ATP8B2: variants seen among roughly 807,000 people sequenced by gnomAD.
The protein encoded by ATP8B2 is ATPase phospholipid transporting 8B2.
A neutral mutation model predicts 133.4 loss-of-function variants in ATP8B2; 70 were observed. That is an observed-to-expected ratio of 0.52 (90% CI 0.43 to 0.64). ATP8B2 has a LOEUF of 0.64. Ranked by LOEUF, ATP8B2 falls within the 30% of genes least tolerant of loss-of-function variation. ATP8B2 has a pLI of 0.00. For missense variants in ATP8B2, 1,101 were observed against 1,535.7 expected, an observed-to-expected ratio of 0.72 and a Z score of 4.73; for synonymous variants, 517 against 589.5, an observed-to-expected ratio of 0.88 and a Z score of 1.78.
In ATP8B2 at chr1:154,331,250, C is replaced by A; in HGVS notation, c.303+104C>A. On this transcript the variant is annotated intron_variant, in intron 5 of 27. Coordinates refer to ENST00000368489, the MANE Select transcript of ATP8B2 (RefSeq NM_001370597.1). The surrounding 1 kb of genome is among the most constrained non-coding windows in gnomAD (Gnocchi z 4.8). ...TCATCCAGCACAATTTCTTGGTGACCTTGACATCCCTTACCCGGTCCAGCT... is the reference window on the plus strand; with the variant it reads ...TCATCCAGCACAATTTCTTGGTGACATTGACATCCCTTACCCGGTCCAGCT... 1.7e-6 allele frequency: 2 copies of A among 1,198,748 alleles called. No homozygotes were observed. The highest frequency in any genetic ancestry group is 2.0e-5 in the Admixed American group (1 of 49,514). 74.3% of individuals were successfully genotyped at this position (1,198,748 alleles called of 1,614,324 possible). A position where few individuals can be genotyped will look rare whatever the true frequency, so the allele number is the denominator to read the frequency against.
At chr1:154,333,565 C>T (rs544013048) in intron 9 of ATP8B2, among the ~76,000 whole-genome samples, 4 of 150,416 alleles carry the variant, frequency 2.7e-5, no homozygotes, top group Non-Finnish European at 4.4e-5. Context: ...GAAGTAGCCA[C>T]ATTAATTGAC....
At chr1:154,329,079 A>G in intron 2 of ATP8B2, 1 of 1,298,026 alleles carries the variant, frequency 7.7e-7, no homozygotes, top group Non-Finnish European at 1.0e-6. Context: ...GGGACAGGTA[A>G]CGGGAGGCAG....
At position 154,346,775 on chromosome 1, in the gene ATP8B2, T is replaced by G. The variant is rs1390713815; in HGVS notation, c.3163+17T>G. The stretch of plus-strand genomic sequence containing the variant: ...GGTTTGTGGGTAAGTCCCCGTGGCC[T>G]CCTTGAATCGGTGAGGAATCACAGC... On this transcript the variant is annotated intron_variant, in intron 26 of 27. Transcript: ENST00000368489. This position sits in a 1 kb window ranked among gnomAD's most constrained non-coding sequence, Gnocchi z 4.5. 8 of 1,613,270 alleles carry G rather than the reference T, an allele frequency of 5.0e-6. No individual in the cohort carries two copies. Among genetic ancestry groups the G allele is most frequent in the Non-Finnish European group, 6.8e-6 (8 of 1,179,386 alleles).
rs376368781 is a variant in ATP8B2, at chr1:154,331,017, T to C, written c.205-31T>C. On this transcript the variant is annotated intron_variant, in intron 4 of 27. Transcript: ENST00000368489. This position sits in a 1 kb window ranked among gnomAD's most constrained non-coding sequence, Gnocchi z 4.8. Reference sequence around the variant, plus strand: ...GGGAATGAAGGCATCAGATGGGGCCTCAGAGGCATACTTCTCTTTCTTTTT... The same window carrying C: ...GGGAATGAAGGCATCAGATGGGGCCCCAGAGGCATACTTCTCTTTCTTTTT... The C allele has an allele frequency of 2.9e-5, 46 of 1,606,894 alleles. No homozygotes were observed. In the African/African-American group the frequency reaches 5.7e-4, roughly 20 times the overall value.
chr1:154,328,023 AG>A lies in ATP8B2; in HGVS notation c.-37-79del. 6.6e-7 allele frequency: 1 copy of A among 1,524,014 alleles called. No individual in the cohort carries two copies. The highest frequency in any genetic ancestry group is 9.1e-7 in the Non-Finnish European group (1 of 1,098,158). The allele number at this position is 1,524,014 out of a possible 1,614,324, so 94.4% of individuals were successfully genotyped here. ...AGGGGCAGGGTCAGAGCTGGAGAAGAGGGTCTTCAAAAGAGGTCTCATGAGG... is the reference window on the plus strand; with the variant it reads ...AGGGGCAGGGTCAGAGCTGGAGAAGAGGTCTTCAAAAGAGGTCTCATGAGG... On this transcript the variant is annotated intron_variant, in intron 1 of 27. Transcript: ENST00000368489. The surrounding 1 kb of genome is among the most constrained non-coding windows in gnomAD (Gnocchi z 4.6).
intron 13 of ATP8B2, among the ~76,000 whole-genome samples, chr1:154,342,216 G>A (rs1004185632): frequency 1.2e-4 from 19 of 152,056 alleles, no homozygotes; most frequent in Admixed American, 5.2e-4. Flanking sequence ...GGGGGGTGCC[G>A]CCTAGGGTAG....
At position 154,345,680 on chromosome 1, in the gene ATP8B2, G is replaced by A; in HGVS notation, c.2695-120G>A. ...CTCTTAAAAAATGCTTATTAAAGGA[G>A]GAGAGAAGGAGCCTCAGAAAATTTC... On this transcript the variant is annotated intron_variant, in intron 23 of 27. Coordinates refer to ENST00000368489, the MANE Select transcript of ATP8B2 (RefSeq NM_001370597.1). This position sits in a 1 kb window ranked among gnomAD's most constrained non-coding sequence, Gnocchi z 5.6. 7.6e-7 allele frequency: 1 copy of A among 1,307,646 alleles called. No homozygotes were observed. The highest frequency in any genetic ancestry group is 1.1e-6 in the Non-Finnish European group (1 of 918,766). 81.0% of individuals were successfully genotyped at this position (1,307,646 alleles called of 1,614,324 possible).
chr1:154,337,509 C>T lies in ATP8B2; in HGVS notation c.999C>T (p.Ile333=), dbSNP rs1686229013. The part of the protein sequence containing the change: ...GFLSFWSYII[I]LNTVVPISLY... ...TCTCCTTCTGGTCCTACATCATCAT[C>T]CTCAACACCGTTGTGCCCATTTCAC... is the stretch of plus-strand genomic sequence containing the variant. Residue 333 remains isoleucine (I), a synonymous_variant, in exon 12 of 28, where the codon ATC becomes ATT. Coordinates refer to ENST00000368489, the MANE Select transcript of ATP8B2 (RefSeq NM_001370597.1). 2 of 1,614,084 alleles carry T rather than the reference C, an allele frequency of 1.2e-6. No individual in the cohort carries two copies. The highest frequency in any genetic ancestry group is 1.7e-5 in the Admixed American group (1 of 60,002).
At chr1:154,336,576 C>G (rs979326361) in intron 11 of ATP8B2, among the ~76,000 whole-genome samples, 7 of 150,998 alleles carry the variant, frequency 4.6e-5, no homozygotes, top group African/African-American at 1.7e-4. Context: ...CAACCTCTGC[C>G]TCTCGGGTTC....
At chr1:154,335,568 TGTGGTCCCA>T (rs1325080025) in intron 11 of ATP8B2, among the ~76,000 whole-genome samples, 2 of 152,106 alleles carry the variant, frequency 1.3e-5, no homozygotes, top group Non-Finnish European at 2.9e-5. Flanking sequence ...GGCATGCACC[TGTGGTCCCA>T]GTTACTCTGG....
In ATP8B2 at chr1:154,345,210, C is replaced by A. The variant is rs1264727939; in HGVS notation, c.2470+56C>A. The A allele has an allele frequency of 6.2e-7, 1 of 1,600,656 alleles. No homozygotes were observed. Among genetic ancestry groups the A allele is most frequent in the Non-Finnish European group, 8.5e-7 (1 of 1,171,314 alleles). On this transcript the variant is annotated intron_variant, in intron 22 of 27. Coordinates refer to ENST00000368489, the MANE Select transcript of ATP8B2 (RefSeq NM_001370597.1). This position sits in a 1 kb window ranked among gnomAD's most constrained non-coding sequence, Gnocchi z 5.6. Reference sequence around the variant, plus strand: ...GGGCTTGAGGCTGGGGAGGGGCCCACTGAGGTCTCTGGACTGCAGAAGAAT... The same window carrying A: ...GGGCTTGAGGCTGGGGAGGGGCCCAATGAGGTCTCTGGACTGCAGAAGAAT...
chr1:154,336,452 A>AG (rs1686183451), intron 11 of ATP8B2, among the ~76,000 whole-genome samples: 1 of 4,854 alleles, frequency 2.1e-4, no homozygotes, highest in Non-Finnish European at 1.3e-3. Context: ...ATAAGCTTAG[A>AG]AAAAAAAAAT....
chr1:154,346,868 G>A lies in ATP8B2; in HGVS notation c.3163+110G>A, dbSNP rs1686601991. ...ACATTTCTTATGTGCCAAGTATTCT[G>A]TTTATTTTATTTATTTATTTATTTA... On this transcript the variant is annotated intron_variant, in intron 26 of 27. Coordinates refer to ENST00000368489, the MANE Select transcript of ATP8B2 (RefSeq NM_001370597.1). This position sits in a 1 kb window ranked among gnomAD's most constrained non-coding sequence, Gnocchi z 4.5. The A allele has an allele frequency of 3.6e-6, 4 of 1,121,498 alleles. No homozygotes were observed. Among genetic ancestry groups the A allele is most frequent in the Admixed American group, 2.8e-5 (1 of 35,358 alleles). 69.5% of individuals were successfully genotyped at this position (1,121,498 alleles called of 1,614,324 possible). A position where few individuals can be genotyped will look rare whatever the true frequency, so the allele number is the denominator to read the frequency against.
At chr1:154,330,793 A>G (rs757181484) in intron 3 of ATP8B2, 22 bp from the exon 4 acceptor site, 1 of 1,595,976 alleles carries the variant, frequency 6.3e-7, no homozygotes, top group Non-Finnish European at 8.6e-7. Context: ...ACTGCTCATT[A>G]TCTTCTCTCC....
chr1:154,329,217 C>A, intron 2 of ATP8B2: 1 of 791,212 alleles, frequency 1.3e-6, no homozygotes, highest in Non-Finnish European at 1.7e-6. Flanking sequence ...AGGATCCAGT[C>A]CCTACCTTCT....
chr1:154,334,583 G>C lies in ATP8B2; in HGVS notation c.829G>C (p.Val277Leu), dbSNP rs1266005942. The part of the protein sequence containing the change: ...TSIDRLMNTL[V>L]LWIFGFLVCM... Reference sequence around the variant, plus strand: ...TATCGATCGCCTAATGAATACCCTGGTGCTCTGGGTGAGGCGCCCCACATC... The same window carrying C: ...TATCGATCGCCTAATGAATACCCTGCTGCTCTGGGTGAGGCGCCCCACATC... The change falls in exon 11 of 28, where the codon GTG becomes CTG. Residue 277 changes from valine (V) to leucine (L), a missense_variant. Coordinates refer to ENST00000368489, the MANE Select transcript of ATP8B2 (RefSeq NM_001370597.1). This position sits in a 1 kb window ranked among gnomAD's most constrained non-coding sequence, Gnocchi z 4.6. 6.2e-7 allele frequency: 1 copy of C among 1,613,480 alleles called. No homozygotes were observed. The highest frequency in any genetic ancestry group is 8.5e-7 in the Non-Finnish European group (1 of 1,179,718).
chr1:154,348,996 T>G lies in ATP8B2; in HGVS notation c.3451T>G (p.Ser1151Ala), dbSNP rs1686695543. Residue 1151 changes from serine to alanine, a missense_variant, in exon 28 of 28, where the codon TCT becomes GCT. Ser to Ala is a moderately conservative substitution (Grantham distance 99, BLOSUM62 1). Transcript: ENST00000368489. Reference sequence around the variant, plus strand: ...GTCTGGCAAGAACATGCGGCTGAGCTCTCTCGCGCTCTCCAGCTTCACCAC... The same window carrying G: ...GTCTGGCAAGAACATGCGGCTGAGCGCTCTCGCGCTCTCCAGCTTCACCAC... ...IMSGKNMRLS[S>A]LALSSFTTRS... The G allele has an allele frequency of 6.2e-7, 1 of 1,614,208 alleles. No homozygotes were observed. Among genetic ancestry groups the G allele is most frequent in the Non-Finnish European group, 8.5e-7 (1 of 1,180,022 alleles).
rs1686671692 is a variant in ATP8B2, at chr1:154,348,515, C to T, written c.3271C>T (p.Leu1091=). The T allele has an allele frequency of 6.2e-7, 1 of 1,614,114 alleles. No individual in the cohort carries two copies. Among genetic ancestry groups the T allele is most frequent in the African/African-American group, 1.3e-5 (1 of 75,060 alleles). The change falls in exon 27 of 28, where the codon CTG becomes TTG. Residue 1091 remains leucine, a synonymous_variant. Transcript: ENST00000368489. ...TGCCTTCCGATTCCTCAGGCTCAACCTGAAGCCGGATCTCTCCGACACGGT... is the reference window on the plus strand; with the variant it reads ...TGCCTTCCGATTCCTCAGGCTCAACTTGAAGCCGGATCTCTCCGACACGGT... ...VVAFRFLRLN[L]KPDLSDTVRY...
At chr1:154,337,769 C>T in intron 12 of ATP8B2, 1 of 1,473,434 alleles carries the variant, frequency 6.8e-7, no homozygotes, top group Non-Finnish European at 9.0e-7. Context: ...TTGATTTATT[C>T]AGCACCTATT....
Sources: allele counts gnomAD v4.1 joint callset (sites outside exome capture counted in the v4.1 genomes callset), GRCh38; gene constraint gnomAD v4.1.1; non-coding constraint Gnocchi (gnomAD v3.1); transcripts MANE v1.5; gene names NCBI Gene and HGNC (gene_info 2026-07-23, HGNC 2026-07-21).